Variants in IPCEF1 observed in about 807,000 individuals in gnomAD.
IPCEF1 encodes the protein interaction protein for cytohesin exchange factors 1, also known as interactor protein for cytohesin exchange factors 1.
Under a neutral mutation model 50.9 loss-of-function variants are expected in IPCEF1, and 31 were observed. The observed-to-expected ratio is 0.61, with a 90% CI of 0.46 to 0.82. The LOEUF is 0.82. Among genes scored for constraint, IPCEF1 ranks in the 40% least tolerant of loss-of-function variants. The probability of loss-of-function intolerance (pLI) is 0.00; values close to 1 mark genes in which losing one functional copy is unlikely to be tolerated. For synonymous variants in IPCEF1, 181 were observed against 192.0 expected, an observed-to-expected ratio of 0.94 and a Z score of 0.47; for missense variants, 458 against 514.0, an observed-to-expected ratio of 0.89 and a Z score of 1.05.
At chr6:154,271,048 A>G (rs1781890125) in intron 2 of IPCEF1, among the ~76,000 whole-genome samples, 1 of 152,096 alleles carries the variant, frequency 6.6e-6, no homozygotes, top group Non-Finnish European at 1.5e-5. Context: ...TATCAATAAA[A>G]TATTTTCAGG....
chr6:154,260,393 A>C (rs35682301), intron 3 of IPCEF1, among the ~76,000 whole-genome samples: 12,400 of 152,172 alleles, frequency 0.081, 600 homozygotes, highest in African/African-American at 0.12. Context: ...TCTCATTCCC[A>C]GTGAGCCCTG....
At chr6:154,219,876 C>T (rs1778712989) in intron 7 of IPCEF1, among the ~76,000 whole-genome samples, 2 of 152,144 alleles carry the variant, frequency 1.3e-5, no homozygotes, top group South Asian at 4.1e-4. Context: ...CGACTTTCTA[C>T]AGTACAAAGC....
At chr6:154,180,415 T>TATATA (rs1491475267) in intron 10 of IPCEF1, among the ~76,000 whole-genome samples, 26 of 29,346 alleles carry the variant, frequency 8.9e-4, no homozygotes, top group South Asian at 3.4e-3. Context: ...TATATATATA[T>TATATA]TTTTTTTTTA....
intron 2 of IPCEF1, among the ~76,000 whole-genome samples, chr6:154,285,096 A>G (rs1324517987): frequency 6.6e-6 from 1 of 152,228 alleles, no homozygotes; most frequent in East Asian, 1.9e-4. Flanking sequence ...ATTAAGTATT[A>G]ACAAAAGTCT....
At chr6:154,275,022 T>C (rs1782020125) in intron 2 of IPCEF1, among the ~76,000 whole-genome samples, 1 of 152,156 alleles carries the variant, frequency 6.6e-6, no homozygotes, top group African/African-American at 2.4e-5. Flanking sequence ...GGTCCTACAA[T>C]GCATATTTTC....
intron 3 of IPCEF1, among the ~76,000 whole-genome samples, chr6:154,255,396 G>A (rs933289152): frequency 6.6e-6 from 1 of 152,144 alleles, no homozygotes; most frequent in Admixed American, 6.5e-5. Flanking sequence ...CACACTGATC[G>A]ATTTCTGCTA....
chr6:154,273,779 A>T (rs1235756890), intron 2 of IPCEF1, among the ~76,000 whole-genome samples: 2 of 94,914 alleles, frequency 2.1e-5, no homozygotes, highest in Non-Finnish European at 3.8e-5. Context: ...TTTGAGGCAG[A>T]GTCTCCCTCT....
chr6:154,221,697 C>A (rs1015562472), intron 6 of IPCEF1, among the ~76,000 whole-genome samples: 1 of 152,036 alleles, frequency 6.6e-6, no homozygotes, highest in Admixed American at 6.5e-5. Context: ...CATGGTGAAA[C>A]CCCGTCTCTA....
At chr6:154,321,673 G>A (rs978600458) in intron 1 of IPCEF1, among the ~76,000 whole-genome samples, 4 of 151,378 alleles carry the variant, frequency 2.6e-5, no homozygotes, top group Non-Finnish European at 5.9e-5. Flanking sequence ...CCAGCTACTT[G>A]GGAGGCTGAG....
At chr6:154,206,392 C>T (rs913211702) in intron 9 of IPCEF1, among the ~76,000 whole-genome samples, 21 of 152,086 alleles carry the variant, frequency 1.4e-4, no homozygotes, top group African/African-American at 1.2e-4. Context: ...AAGAAATTTG[C>T]GGGGGTTGTG....
intron 5 of IPCEF1, among the ~76,000 whole-genome samples, chr6:154,231,025 C>G (rs1779672300): frequency 6.6e-6 from 1 of 152,166 alleles, no homozygotes; most frequent in Non-Finnish European, 1.5e-5. Flanking sequence ...CTCCATTTCT[C>G]CATATAAATC....
chr6:154,243,216 A>G (rs1238282602), intron 5 of IPCEF1, among the ~76,000 whole-genome samples: 2 of 152,226 alleles, frequency 1.3e-5, no homozygotes, highest in African/African-American at 4.8e-5. Flanking sequence ...ATTCCCACAA[A>G]CCAGGAAGTG....
intron 1 of IPCEF1, among the ~76,000 whole-genome samples, chr6:154,336,315 C>A (rs1235142967): frequency 6.6e-6 from 1 of 152,124 alleles, no homozygotes; most frequent in Non-Finnish European, 1.5e-5. Flanking sequence ...GGTATATGTA[C>A]ACAATGGAAT....
At chr6:154,340,396 G>C (rs768091233) in intron 1 of IPCEF1, among the ~76,000 whole-genome samples, 1 of 151,652 alleles carries the variant, frequency 6.6e-6, no homozygotes, top group Non-Finnish European at 1.5e-5. Context: ...GATTACAGGC[G>C]TGCACCACCA....
chr6:154,236,257 C>T (rs1371096905), intron 5 of IPCEF1, among the ~76,000 whole-genome samples: 1 of 152,154 alleles, frequency 6.6e-6, no homozygotes, highest in Non-Finnish European at 1.5e-5. Flanking sequence ...ATGGATGAAC[C>T]TTGAAGACAT....
chr6:154,325,756 G>A (rs558997316), intron 1 of IPCEF1, among the ~76,000 whole-genome samples: 1 of 151,976 alleles, frequency 6.6e-6, no homozygotes, highest in Non-Finnish European at 1.5e-5. Flanking sequence ...TGCTTTTTTG[G>A]GGTGTGCTTT....
chr6:154,193,396 C>T (rs919078130), intron 10 of IPCEF1, among the ~76,000 whole-genome samples: 27 of 152,160 alleles, frequency 1.8e-4, no homozygotes, highest in African/African-American at 6.5e-4. Context: ...TAAAAGACTA[C>T]AAGTTGGGTA....
intron 2 of IPCEF1, among the ~76,000 whole-genome samples, chr6:154,274,081 AG>A (rs2128659782): frequency 6.6e-6 from 1 of 150,716 alleles, no homozygotes; most frequent in South Asian, 2.1e-4. Context: ...TTAAGCTCAA[AG>A]TGTCATTCTG....
intron 2 of IPCEF1, among the ~76,000 whole-genome samples, chr6:154,282,478 C>T (rs1032388977): frequency 1.2e-4 from 19 of 152,136 alleles, no homozygotes; most frequent in African/African-American, 4.1e-4. Context: ...GTCAGGAGAT[C>T]GAGACCATCC....
Sources: gnomAD v4.1 joint callset for allele counts (sites outside exome capture counted in the v4.1 genomes callset) on GRCh38, gnomAD v4.1.1 for gene constraint, MANE v1.5 for transcripts, NCBI Gene and HGNC (gene_info 2026-07-23, HGNC 2026-07-21) for gene names.